RPS6KB2: variants seen among roughly 807,000 people sequenced by gnomAD.
RPS6KB2 encodes ribosomal protein S6 kinase B2.
RPS6KB2 carries 51 observed loss-of-function variants against 58.2 expected under a neutral mutation model. The ratio of observed to expected loss-of-function variants is 0.88; its 90% CI spans 0.70 to 1.11. RPS6KB2 has a LOEUF of 1.11. Ranked by LOEUF, RPS6KB2 falls within the 50% of genes least tolerant of loss-of-function variation. The pLI, the probability that RPS6KB2 is intolerant of heterozygous loss-of-function variation, is 0.00. For synonymous variants in RPS6KB2, 293 were observed against 258.6 expected, an observed-to-expected ratio of 1.13 and a Z score of -1.28; for missense variants, 671 against 655.8, an observed-to-expected ratio of 1.02 and a Z score of -0.25.
intron 5 of RPS6KB2, chr11:67,432,238 T>C: frequency 1.9e-6 from 1 of 516,538 alleles, no homozygotes; most frequent in Non-Finnish European, 3.7e-6. Flanking sequence ...TTCTGTTCTG[T>C]TGGGATTCAC....
intron 3 of RPS6KB2, 137 bp downstream of exon 3, chr11:67,429,377 C>A: frequency 1.4e-6 from 2 of 1,392,778 alleles, no homozygotes; most frequent in South Asian, 1.2e-5. Flanking sequence ...GGAGGGAAGG[C>A]CAAATCCTCT....
chr11:67,433,431 G>C lies in RPS6KB2; in HGVS notation c.890G>C (p.Arg297Pro). 1.9e-6 allele frequency: 3 copies of C among 1,612,764 alleles called. No homozygotes were observed. The highest frequency in any genetic ancestry group is 2.5e-6 in the Non-Finnish European group (3 of 1,178,958). The change falls in exon 10 of 15, where the codon CGG becomes CCG. Residue 297 changes from arginine (R) to proline (P), a missense_variant. By Grantham distance (103) the Arg-to-Pro change is moderately radical. Coordinates refer to ENST00000312629, the MANE Select transcript of RPS6KB2 (RefSeq NM_003952.3). ...CCCCCCTACCTCACCCCAGATGCCC[G>C]GGACCTTGTCAAAAAGGTGCAGCTC... ...ALPPYLTPDA[R>P]DLVKKFLKRN... is the part of the protein sequence containing the mutation.
intron 4 of RPS6KB2, 64 bp from the exon 5 acceptor site, chr11:67,431,304 A>T: frequency 6.5e-7 from 1 of 1,536,658 alleles, no homozygotes; most frequent in Non-Finnish European, 8.9e-7. Flanking sequence ...TGCTGGGATT[A>T]CAGGTGTGAG....
chr11:67,433,296 G>A, intron 9 of RPS6KB2, 44 bp from the exon 10 acceptor site: 1 of 1,598,246 alleles, frequency 6.3e-7, no homozygotes, highest in Non-Finnish European at 8.6e-7. Flanking sequence ...GGCAGGGCCT[G>A]GTGGGAGGCC....
intron 4 of RPS6KB2, 140 bp downstream of exon 4, chr11:67,429,735 G>T: frequency 1.4e-6 from 1 of 695,350 alleles, no homozygotes; most frequent in Non-Finnish European, 2.5e-6. Context: ...CTGTTGTGAT[G>T]TGTATTGTCT....
chr11:67,431,735 T>C (rs1864029586), intron 5 of RPS6KB2: 2 of 532,024 alleles, frequency 3.8e-6, no homozygotes, highest in Admixed American at 3.3e-5. Context: ...CTCACGTGTG[T>C]TGGGGGTGGA....
At position 67,428,528 on chromosome 11, in the gene RPS6KB2, C is replaced by G. The variant is rs558877355; in HGVS notation, c.-18C>G. On this transcript the variant is annotated 5_prime_UTR_variant, in exon 1 of 15. Coordinates refer to ENST00000312629, the MANE Select transcript of RPS6KB2 (RefSeq NM_003952.3). ...GCGGCCAGGTACGGGCCGACGGGCC[C>G]GCGGGGCCGGCGCCGCCATGGCGGC... 3.8e-6 allele frequency: 6 copies of G among 1,598,954 alleles called. No homozygotes were observed. Among genetic ancestry groups the G allele is most frequent in the African/African-American group, 1.3e-5 (1 of 74,722 alleles).
rs779293064 is a variant in RPS6KB2 at position 67,428,632 on chromosome 11, C to T, written c.78+9C>T. Reference sequence around the variant, plus strand: ...CAGAGCTCAGCCCCGCGGTGAGTGCCCTGCCCTGGCGCGACTGGATCCTGG... The same window carrying T: ...CAGAGCTCAGCCCCGCGGTGAGTGCTCTGCCCTGGCGCGACTGGATCCTGG... On this transcript the variant is annotated intron_variant, in intron 1 of 14. Coordinates refer to ENST00000312629, the MANE Select transcript of RPS6KB2 (RefSeq NM_003952.3). 1.2e-6 allele frequency: 2 copies of T among 1,604,860 alleles called. No homozygotes were observed. Among genetic ancestry groups the T allele is most frequent in the East Asian group, 2.2e-5 (1 of 44,654 alleles).
intron 14 of RPS6KB2, 92 bp downstream of exon 14, chr11:67,434,786 G>T: frequency 1.8e-6 from 2 of 1,096,762 alleles, no homozygotes; most frequent in Non-Finnish European, 2.7e-6. Flanking sequence ...CACGTCTGTC[G>T]GCCAGTGTTG....
chr11:67,434,885 C>T (rs1258467936), intron 14 of RPS6KB2, 104 bp from the exon 15 acceptor site: 1 of 1,195,630 alleles, frequency 8.4e-7, no homozygotes. Flanking sequence ...GAGCCCGCGG[C>T]CTGTGTGCCT....
In RPS6KB2 at chr11:67,429,514, C is replaced by T; in HGVS notation, c.241-13C>T. 1.2e-6 allele frequency: 2 copies of T among 1,611,164 alleles called. No homozygotes were observed. The highest frequency in any genetic ancestry group is 1.7e-6 in the Non-Finnish European group (2 of 1,178,548). On this transcript the variant is annotated splice_polypyrimidine_tract_variant and intron_variant, in intron 3 of 14. Transcript: ENST00000312629. ...TGGAGAGGGAAGTTGATCCTGTCTC[C>T]CCTGCCCTACAGGTGTTCCAGGTGC...
Position 67,435,320 on chromosome 11 carries a change from C to A in RPS6KB2, c.*151C>A. 1 of 792,058 alleles carries A rather than the reference C, an allele frequency of 1.3e-6. No homozygotes were observed. Among genetic ancestry groups the A allele is most frequent in the African/African-American group, 1.7e-5 (1 of 57,276 alleles). 49.1% of individuals were successfully genotyped at this position (792,058 alleles called of 1,614,324 possible). On this transcript the variant is annotated 3_prime_UTR_variant, in exon 15 of 15. Transcript: ENST00000312629. ...GTGTGTGTCTGCTGGGGCAGCTGTG[C>A]CCCTGAATCATGGGCACGGAGGGCC... is the stretch of plus-strand genomic sequence containing the variant.
intron 5 of RPS6KB2, 89 bp downstream of exon 5, chr11:67,431,604 A>G: frequency 7.1e-7 from 1 of 1,402,404 alleles, no homozygotes; most frequent in South Asian, 1.3e-5. Flanking sequence ...CTCTTGAGAG[A>G]TGAGTCTGTG....
intron 14 of RPS6KB2, 97 bp downstream of exon 14, chr11:67,434,791 G>T (rs535561055): frequency 7.3e-6 from 8 of 1,097,644 alleles, no homozygotes; most frequent in Non-Finnish European, 1.1e-5. Flanking sequence ...CTGTCGGCCA[G>T]TGTTGGCTTC....
rs1205436797 is a variant in RPS6KB2 at position 67,434,211 on chromosome 11, T to C, written c.983T>C (p.Phe328Ser). The C allele has an allele frequency of 6.2e-7, 1 of 1,614,046 alleles. No homozygotes were observed. The highest frequency in any genetic ancestry group is 1.1e-5 in the South Asian group (1 of 91,086). The part of the protein sequence containing the change: ...DAADVQRHPF[F>S]RHMNWDDLLA... ...CTCTACCTACAGAGACATCCCTTTT[T>C]CCGGCACATGAATTGGGACGACCTT... Residue 328 changes from phenylalanine (F) to serine (S), a missense_variant, in exon 12 of 15, where the codon TTC becomes TCC. Coordinates refer to ENST00000312629, the MANE Select transcript of RPS6KB2 (RefSeq NM_003952.3).
At chr11:67,434,916 C>T in intron 14 of RPS6KB2, 73 bp from the exon 15 acceptor site, 4 of 1,432,738 alleles carry the variant, frequency 2.8e-6, no homozygotes, top group Non-Finnish European at 3.9e-6. Flanking sequence ...GAAAGGCTGC[C>T]TTCCCTGACT....
At position 67,429,100 on chromosome 11, in the gene RPS6KB2, T is replaced by C; in HGVS notation, c.120-20T>C. Reference sequence around the variant, plus strand: ...GGGGAGCACTGGAGCCTTGTCCTCATTAACTCCTTGTGTCCGTAGGCCTGT... The same window carrying C: ...GGGGAGCACTGGAGCCTTGTCCTCACTAACTCCTTGTGTCCGTAGGCCTGT... On this transcript the variant is annotated intron_variant, in intron 2 of 14. Transcript: ENST00000312629. 2 of 1,613,902 alleles carry C rather than the reference T, an allele frequency of 1.2e-6. No homozygotes were observed. The highest frequency in any genetic ancestry group is 1.7e-5 in the Admixed American group (1 of 60,024).
chr11:67,434,259 CT>C lies in RPS6KB2; in HGVS notation c.1034del (p.Phe345SerfsTer11). The C allele has an allele frequency of 6.2e-7, 1 of 1,613,650 alleles. No individual in the cohort carries two copies. ...DDLLAWRVDP[P>X]FRPCLQSEED... Reference sequence around the variant, plus strand: ...CTTCTGGCCTGGCGTGTGGACCCCCCTTTCAGGCCCTGTCTGGTGAGCAGCA... The same window carrying C: ...CTTCTGGCCTGGCGTGTGGACCCCCCTTCAGGCCCTGTCTGGTGAGCAGCA... On this transcript the variant is annotated frameshift_variant, in exon 12 of 15. Coordinates refer to ENST00000312629, the MANE Select transcript of RPS6KB2 (RefSeq NM_003952.3). LOFTEE classifies it high-confidence loss of function.
intron 11 of RPS6KB2, 50 bp downstream of exon 11, chr11:67,434,107 G>C: frequency 6.2e-7 from 1 of 1,612,552 alleles, no homozygotes; most frequent in Non-Finnish European, 8.5e-7. Flanking sequence ...CAAGGGTGCC[G>C]GGAATGGGGG....
Sources: gnomAD v4.1 joint callset for allele counts on GRCh38, gnomAD v4.1.1 for gene constraint, MANE v1.5 for transcripts, NCBI Gene and HGNC (gene_info 2026-07-23, HGNC 2026-07-21) for gene names.